Variants in PCDH15 observed in about 807,000 individuals in gnomAD.
PCDH15 encodes protocadherin-15.
PCDH15 carries 129 observed loss-of-function variants against 178.5 expected under a neutral mutation model. The ratio of observed to expected loss-of-function variants is 0.72; its 90% CI spans 0.63 to 0.84. PCDH15 has a LOEUF of 0.84. Among genes scored for constraint, PCDH15 ranks in the 40% least tolerant of loss-of-function variants. PCDH15 has a pLI of 0.00. For missense variants in PCDH15, 2,230 were observed against 2,099.9 expected, an observed-to-expected ratio of 1.06 and a Z score of -1.21; for synonymous variants, 800 against 732.0, an observed-to-expected ratio of 1.09 and a Z score of -1.50.
intron 2 of PCDH15, among the ~76,000 whole-genome samples, chr10:55,537,935 T>C (rs1841619197): frequency 6.6e-6 from 1 of 152,214 alleles, no homozygotes; most frequent in Non-Finnish European, 1.5e-5. Flanking sequence ...TAGCTTTAAA[T>C]ATAATTTAAG....
At chr10:55,173,848 CATCT>C (rs1403879570) in intron 1 of PCDH15, among the ~76,000 whole-genome samples, 4 of 152,078 alleles carry the variant, frequency 2.6e-5, no homozygotes, top group African/African-American at 4.8e-5. Context: ...ATGTTTCATT[CATCT>C]ATCTATTTTC....
chr10:54,360,730 T>C (rs1364368403), intron 5 of PCDH15, among the ~76,000 whole-genome samples: 1 of 152,110 alleles, frequency 6.6e-6, no homozygotes, highest in Non-Finnish European at 1.5e-5. Flanking sequence ...TTCTTCATCC[T>C]ATAGCTATTA....
intron 11 of PCDH15, among the ~76,000 whole-genome samples, chr10:54,193,406 C>G (rs1023621539): frequency 5.9e-5 from 9 of 152,126 alleles, no homozygotes; most frequent in African/African-American, 2.2e-4. Context: ...TTTCTAACCA[C>G]CAGTTCTATT....
chr10:54,387,878 G>C (rs751968809), intron 3 of PCDH15, among the ~76,000 whole-genome samples: 8 of 152,138 alleles, frequency 5.3e-5, no homozygotes, highest in Non-Finnish European at 7.3e-5. Context: ...GCAGGACCTA[G>C]ACCAAATCCC....
chr10:53,829,312 T>C (rs2076884963), intron 30 of PCDH15, among the ~76,000 whole-genome samples: 1 of 152,206 alleles, frequency 6.6e-6, no homozygotes, highest in Non-Finnish European at 1.5e-5. Context: ...ATAATGCGTC[T>C]ATAAATTATT....
intron 3 of PCDH15, among the ~76,000 whole-genome samples, chr10:54,390,374 C>T (rs1361576679): frequency 6.6e-6 from 1 of 152,104 alleles, no homozygotes; most frequent in Non-Finnish European, 1.5e-5. Flanking sequence ...CTCCCTGCAA[C>T]CTCTGCCTCT....
intron 1 of PCDH15, among the ~76,000 whole-genome samples, chr10:54,794,086 CCT>C (rs1431388064): frequency 6.9e-6 from 1 of 144,666 alleles, no homozygotes. Flanking sequence ...ATATATATTT[CCT>C]TTAAGATATA....
At chr10:55,560,047 T>G (rs1185389247) in intron 2 of PCDH15, among the ~76,000 whole-genome samples, 1 of 151,926 alleles carries the variant, frequency 6.6e-6, no homozygotes, top group African/African-American at 2.4e-5. Context: ...AGAGTTATAT[T>G]AAAATAAATT....
At chr10:55,014,729 A>G (rs889468513) in intron 2 of PCDH15, among the ~76,000 whole-genome samples, 93 of 152,320 alleles carry the variant, frequency 6.1e-4, no homozygotes, top group African/African-American at 2.2e-3. Context: ...GACTACTCTG[A>G]TCAGATACCT....
intron 1 of PCDH15, among the ~76,000 whole-genome samples, chr10:54,710,391 A>C (rs1056201817): frequency 1.1e-4 from 17 of 152,104 alleles, no homozygotes; most frequent in Admixed American, 6.6e-5. Flanking sequence ...ATTGTTTAAT[A>C]ATACTGATTA....
At chr10:55,461,816 T>C (rs1317471544) in intron 2 of PCDH15, among the ~76,000 whole-genome samples, 1 of 152,064 alleles carries the variant, frequency 6.6e-6, no homozygotes, top group East Asian at 1.9e-4. Flanking sequence ...CTTACACAAA[T>C]AACAGAAAAC....
At chr10:54,408,166 T>A (rs116410269) in intron 3 of PCDH15, among the ~76,000 whole-genome samples, 2,855 of 148,260 alleles carry the variant, frequency 0.019, 95 homozygotes, top group African/African-American at 0.065. Flanking sequence ...GCTGTTTTTT[T>A]AAAAAAAAAA....
At chr10:55,406,284 C>T (rs1838196086) in intron 2 of PCDH15, among the ~76,000 whole-genome samples, 1 of 151,932 alleles carries the variant, frequency 6.6e-6, no homozygotes, top group South Asian at 2.1e-4. Flanking sequence ...AAAGTGAACA[C>T]CCACTTGTAT....
intron 3 of PCDH15, among the ~76,000 whole-genome samples, chr10:54,520,450 A>G (rs1218688564): frequency 2.1e-4 from 32 of 152,316 alleles, no homozygotes; most frequent in Admixed American, 2.0e-3. Context: ...GCAGCCAAAA[A>G]ACACATGAAA....
At chr10:53,868,110 C>A (rs779449890) in intron 26 of PCDH15, among the ~76,000 whole-genome samples, 1 of 151,670 alleles carries the variant, frequency 6.6e-6, no homozygotes, top group East Asian at 1.9e-4. Flanking sequence ...TAGTGAAATA[C>A]TTGGAAAATA....
intron 2 of PCDH15, among the ~76,000 whole-genome samples, chr10:55,129,082 A>G (rs528384662): frequency 6.6e-6 from 1 of 152,272 alleles, no homozygotes; most frequent in African/African-American, 2.4e-5. Flanking sequence ...TTTATAGGAT[A>G]GGATCTCTGA....
At chr10:54,336,130 A>G (rs1483170820) in intron 6 of PCDH15, among the ~76,000 whole-genome samples, 1 of 152,218 alleles carries the variant, frequency 6.6e-6, no homozygotes, top group African/African-American at 2.4e-5. Flanking sequence ...TGGTGACATA[A>G]GTTTCTAAGT....
intron 1 of PCDH15, among the ~76,000 whole-genome samples, chr10:55,183,588 C>A (rs1391905489): frequency 4.6e-5 from 7 of 151,500 alleles, no homozygotes; most frequent in Non-Finnish European, 1.0e-4. Context: ...AATGAAATAA[C>A]CAAAAACAAG....
intron 1 of PCDH15, among the ~76,000 whole-genome samples, chr10:54,781,939 T>A (rs1950400844): frequency 6.6e-6 from 1 of 152,182 alleles, no homozygotes; most frequent in Admixed American, 6.5e-5. Context: ...TTATGCTTTT[T>A]CAAGTAATTT....
Sources: allele counts gnomAD v4.1 joint callset (sites outside exome capture counted in the v4.1 genomes callset), GRCh38; gene constraint gnomAD v4.1.1; transcripts MANE v1.5; gene names NCBI Gene and HGNC (gene_info 2026-07-23, HGNC 2026-07-21).